Variants in CEP63 observed in about 807,000 individuals in gnomAD.
CEP63 encodes the protein centrosomal protein 63, also known as centrosomal protein of 63 kDa.
Under a neutral mutation model 89.1 loss-of-function variants are expected in CEP63, and 84 were observed. The observed-to-expected ratio is 0.94, with a 90% CI of 0.79 to 1.13. The LOEUF is 1.13. CEP63 is among the 50% of genes most tolerant of loss of function. CEP63 has a pLI of 0.00. For missense variants in CEP63, 838 were observed against 813.3 expected, an observed-to-expected ratio of 1.03 and a Z score of -0.37; for synonymous variants, 267 against 272.5, an observed-to-expected ratio of 0.98 and a Z score of 0.20.
At chr3:134,673,976 C>G in the CEP63 span, among the ~76,000 whole-genome samples, 1 of 152,194 alleles carries the variant, frequency 6.6e-6, no homozygotes, top group Non-Finnish European at 1.5e-5. Context: ...GAGGTTAATC[C>G]TATGTCCAGG....
At chr3:134,719,926 A>G in the CEP63 span, among the ~76,000 whole-genome samples, 2 of 152,190 alleles carry the variant, frequency 1.3e-5, no homozygotes, top group African/African-American at 2.4e-5. Flanking sequence ...ATAATGCTCT[A>G]TGAACATGTA....
chr3:134,531,906 A>G lies in CEP63; in HGVS notation c.284A>G (p.Glu95Gly). ...HEKIKQEMTM[E>G]YKQELKKLHE... ...AAAATCAAGCAAGAGATGACCATGGAATATAAGCAGGAGTTGAAGAAACTA... is the reference window on the plus strand; with the variant it reads ...AAAATCAAGCAAGAGATGACCATGGGATATAAGCAGGAGTTGAAGAAACTA... Residue 95 changes from glutamate to glycine, a missense_variant, in exon 4 of 15, where the codon GAA becomes GGA. By Grantham distance (98) the Glu-to-Gly change is moderately conservative. Coordinates refer to ENST00000675561, the MANE Select transcript of CEP63 (RefSeq NM_001353108.3). 1 of 1,613,458 alleles carries G rather than the reference A, an allele frequency of 6.2e-7. No individual in the cohort carries two copies. Among genetic ancestry groups the G allele is most frequent in the South Asian group, 1.1e-5 (1 of 91,062 alleles).
In CEP63 at chr3:134,572,249, A is replaced by T. The variant is rs116422926; in HGVS notation, c.1330-2544A>T. 7.6e-3 allele frequency among the ~76,000 whole-genome samples: 1,152 copies of T among 152,292 alleles called. 17 individuals carry two copies. Among genetic ancestry groups the T allele is most frequent in the African/African-American group, 0.026 (1,095 of 41,554 alleles). Reference sequence around the variant, plus strand: ...GACTCTAAGAACTTAGTCTTTTTTTAAAAAATAATTTCAACTTTTATTTTA... The same window carrying T: ...GACTCTAAGAACTTAGTCTTTTTTTTAAAAATAATTTCAACTTTTATTTTA... On this transcript the variant is annotated intron_variant, in intron 11 of 11. Coordinates refer to the CEP63 transcript ENST00000354446.
At chr3:134,499,965 A>G (rs1033894276) in intron 2 of CEP63, among the ~76,000 whole-genome samples, 1 of 151,722 alleles carries the variant, frequency 6.6e-6, no homozygotes, top group African/African-American at 2.4e-5. Flanking sequence ...CTGGGATTAC[A>G]GGCACACACC....
Position 134,501,579 on chromosome 3 carries a change from T to TA in CEP63, c.45-5529dup, listed in dbSNP as rs1553745461. Among the ~76,000 whole-genome samples the TA allele has an allele frequency of 4.4e-3, 665 of 151,964 alleles. 8 individuals carry two copies. Among genetic ancestry groups the TA allele is most frequent in the African/African-American group, 0.015 (633 of 41,438 alleles). On this transcript the variant is annotated intron_variant, in intron 2 of 14. Transcript: ENST00000675561. The stretch of plus-strand genomic sequence containing the variant: ...TTAGATGTATTCTTAGATTTTTTTT[T>TA]ATGTGTGGCTATTGTAAATGGGATT...
At chr3:134,513,801 T>C (rs1945563359) in intron 3 of CEP63, among the ~76,000 whole-genome samples, 1 of 152,110 alleles carries the variant, frequency 6.6e-6, no homozygotes, top group Admixed American at 6.5e-5. Flanking sequence ...CTGAAATCAG[T>C]TTTAAGTTAA....
At chr3:134,739,757 G>A in the CEP63 span, among the ~76,000 whole-genome samples, 3,322 of 150,728 alleles carry the variant, frequency 0.022, 122 homozygotes, top group African/African-American at 0.077. Flanking sequence ...CATGAGAATG[G>A]TATACACAAA....
chr3:134,617,442 G>A, the CEP63 span, among the ~76,000 whole-genome samples: 1 of 152,168 alleles, frequency 6.6e-6, no homozygotes, highest in Non-Finnish European at 1.5e-5. Flanking sequence ...GAGGTAGAAG[G>A]AGAGAGGAGA....
In CEP63 at chr3:134,507,280, TAAG is replaced by T. The variant is rs1294488480; in HGVS notation, c.217_219del (p.Lys73del). The stretch of plus-strand genomic sequence containing the variant: ...TTAGGAGTCAGTTGGATGTGACACA[TAAG>T]GAGGTAAAGCAATTTATTTGTTCTT... On this transcript the variant is annotated inframe_deletion, in exon 3 of 15. Transcript: ENST00000675561. 1.2e-6 allele frequency: 2 copies of T among 1,610,294 alleles called. No homozygotes were observed. The highest frequency in any genetic ancestry group is 3.3e-5 in the Admixed American group (2 of 59,846).
the CEP63 span, among the ~76,000 whole-genome samples, chr3:134,767,965 G>A: frequency 6.6e-6 from 1 of 152,162 alleles, no homozygotes; most frequent in Non-Finnish European, 1.5e-5. Flanking sequence ...TAAAACTAGG[G>A]GAAAGTATTC....
At chr3:134,614,337 T>A in the CEP63 span, among the ~76,000 whole-genome samples, 1 of 152,274 alleles carries the variant, frequency 6.6e-6, no homozygotes, top group Non-Finnish European at 1.5e-5. Context: ...CTTTACAGAA[T>A]TGACAACCTC....
In CEP63 at chr3:134,549,193, C is replaced by G. The variant is rs1347539237; in HGVS notation, c.1182+17C>G. The G allele has an allele frequency of 2.8e-6, 4 of 1,453,332 alleles. No homozygotes were observed. In the Admixed American group the frequency reaches 6.7e-5, roughly 24 times the overall value. 90.0% of individuals were successfully genotyped at this position (1,453,332 alleles called of 1,614,324 possible). A position where few individuals can be genotyped will look rare whatever the true frequency, so the allele number is the denominator to read the frequency against. On this transcript the variant is annotated intron_variant, in intron 10 of 14. Transcript: ENST00000675561. ...ATTAAGAAGGTAAAAATCTGCATACCTAGGATTGCAAAATTGTATGTGTTT... is the reference window on the plus strand; with the variant it reads ...ATTAAGAAGGTAAAAATCTGCATACGTAGGATTGCAAAATTGTATGTGTTT...
chr3:134,646,053 C>T, the CEP63 span, among the ~76,000 whole-genome samples: 8 of 152,130 alleles, frequency 5.3e-5, no homozygotes, highest in Admixed American at 5.2e-4. Context: ...TCTTTGTTTC[C>T]ACCTGTGGCT....
At chr3:134,488,316 T>A (rs1293727287) in intron 1 of CEP63, among the ~76,000 whole-genome samples, 1 of 152,184 alleles carries the variant, frequency 6.6e-6, no homozygotes, top group Non-Finnish European at 1.5e-5. Flanking sequence ...TTATTCATAT[T>A]ACTGAAGAAG....
At chr3:134,583,191 C>T (rs996172158) in intron 10 of CEP63, among the ~76,000 whole-genome samples, 1 of 152,032 alleles carries the variant, frequency 6.6e-6, no homozygotes, top group Non-Finnish European at 1.5e-5. Context: ...TAATTAGATC[C>T]CATTTTTCTA....
chr3:134,754,118 C>T, the CEP63 span, among the ~76,000 whole-genome samples: 2 of 152,196 alleles, frequency 1.3e-5, no homozygotes, highest in Non-Finnish European at 2.9e-5. Flanking sequence ...TGGTGAATGG[C>T]CCCTGCTGGG....
At chr3:134,666,777 C>T in the CEP63 span, among the ~76,000 whole-genome samples, 1 of 152,188 alleles carries the variant, frequency 6.6e-6, no homozygotes, top group East Asian at 1.9e-4. Context: ...CTGCTACGTG[C>T]CAGGCTCTGT....
At chr3:134,495,730 AC>A (rs1939616146) in intron 2 of CEP63, among the ~76,000 whole-genome samples, 1 of 151,634 alleles carries the variant, frequency 6.6e-6, no homozygotes, top group South Asian at 2.1e-4. Flanking sequence ...AACATTCTTC[AC>A]CCCCAACCCC....
At position 134,547,227 on chromosome 3, in the gene CEP63, A is replaced by G. The variant is rs550141094; in HGVS notation, c.930-108A>G. The G allele has an allele frequency of 3.1e-6, 3 of 959,574 alleles. No individual in the cohort carries two copies. The South Asian group carries it at 4.0e-5, about 13-fold the overall frequency. 59.4% of individuals were successfully genotyped at this position (959,574 alleles called of 1,614,324 possible). On this transcript the variant is annotated intron_variant, in intron 8 of 14. Transcript: ENST00000675561. ...TTTATAAAGCAGGAGACAAACTTGA[A>G]GAGTTCCAAAGAGGTTACCAAAAAT... is the stretch of plus-strand genomic sequence containing the variant.
Sources: gnomAD v4.1 joint callset for allele counts (sites outside exome capture counted in the v4.1 genomes callset) on GRCh38, gnomAD v4.1.1 for gene constraint, MANE v1.5 for transcripts, NCBI Gene and HGNC (gene_info 2026-07-23, HGNC 2026-07-21) for gene names.